Variants in FRMPD4 observed in about 807,000 individuals in gnomAD.
The protein encoded by FRMPD4 is FERM and PDZ domain containing 4, also known as FERM and PDZ domain-containing protein 4.
A neutral mutation model predicts 94.1 loss-of-function variants in FRMPD4; 22 were observed. The observed-to-expected ratio is 0.23, with a 90% CI of 0.17 to 0.33. The LOEUF (loss-of-function observed/expected upper bound fraction) is 0.33. Ranked by LOEUF, FRMPD4 falls within the 10% of genes least tolerant of loss-of-function variation. FRMPD4 has a pLI of 1.00. For missense variants in FRMPD4, 1,111 were observed against 1,339.9 expected (o/e 0.83, Z 2.67); for synonymous variants, 631 against 548.6 (o/e 1.15, Z -2.10).
chrX:12,343,776 A>G (rs977666219), intron 1 of FRMPD4, among the ~76,000 whole-genome samples: 1 of 111,887 alleles, frequency 8.9e-6, no homozygotes, highest in African/African-American at 3.3e-5. Context: ...ATTGGTCTCC[A>G]CATTTGCCGT....
At chrX:11,930,568 A>G (rs1214826098) in intron 3 of FRMPD4, among the ~76,000 whole-genome samples, 1 of 111,784 alleles carries the variant, frequency 8.9e-6, no homozygotes, top group East Asian at 2.8e-4. Flanking sequence ...TTTCAGAGAC[A>G]GTGCAACCTT....
At chrX:12,631,092 C>G (rs1207834210) in intron 4 of FRMPD4, among the ~76,000 whole-genome samples, 4 of 111,304 alleles carry the variant, frequency 3.6e-5, no homozygotes, top group Non-Finnish European at 1.9e-5. Context: ...AGGTGTACAG[C>G]GCTTTTCCTC....
At chrX:12,176,187 G>A (rs2056292858) in intron 1 of FRMPD4, among the ~76,000 whole-genome samples, 1 of 112,228 alleles carries the variant, frequency 8.9e-6, no homozygotes, top group African/African-American at 3.2e-5. Context: ...CAGAGATTCA[G>A]ATTAATTGGT....
At chrX:12,049,684 G>A (rs778685199) in intron 3 of FRMPD4, among the ~76,000 whole-genome samples, 16 of 111,242 alleles carry the variant, frequency 1.4e-4, no homozygotes, top group Non-Finnish European at 3.0e-4. Flanking sequence ...AAGAGCCTTA[G>A]GCAAATCCTT....
intron 1 of FRMPD4, among the ~76,000 whole-genome samples, chrX:12,166,324 T>C (rs1055606826): frequency 8.9e-6 from 1 of 112,144 alleles, no homozygotes; most frequent in African/African-American, 3.2e-5. Context: ...GGTTTTTGTT[T>C]TTGGTTCTGT....
chrX:12,085,986 T>C (rs2055106153), intron 3 of FRMPD4, among the ~76,000 whole-genome samples: 1 of 112,476 alleles, frequency 8.9e-6, no homozygotes, highest in South Asian at 3.7e-4. Flanking sequence ...AAACCTATTA[T>C]ATAATAATGA....
In FRMPD4 at chrX:12,265,935, T is replaced by C. The variant is rs1216607403; in HGVS notation, c.41+126923T>C. Among the ~76,000 whole-genome samples the C allele has an allele frequency of 3.7e-5, 4 of 107,387 alleles. No individual in the cohort carries two copies. In the East Asian group the frequency reaches 1.2e-3, roughly 31 times the overall value. 93.3% of individuals were successfully genotyped at this position (107,387 alleles called of 115,157 possible). Reference sequence around the variant, plus strand: ...CGAGGTCAGGAGATCGAGACCATCCTGGCTAACACGGTGAAACACCATCTC... The same window carrying C: ...CGAGGTCAGGAGATCGAGACCATCCCGGCTAACACGGTGAAACACCATCTC... On this transcript the variant is annotated intron_variant, in intron 1 of 16. Transcript: ENST00000675598.
At chrX:12,575,043 G>A (rs1222838261) in intron 2 of FRMPD4, among the ~76,000 whole-genome samples, 2 of 111,721 alleles carry the variant, frequency 1.8e-5, no homozygotes, top group African/African-American at 3.3e-5. Context: ...CCTAATTTCA[G>A]GAGAGAGACT....
chrX:12,248,059 A>G (rs1312144043), intron 1 of FRMPD4, among the ~76,000 whole-genome samples: 28 of 112,241 alleles, frequency 2.5e-4, no homozygotes, highest in Admixed American at 2.1e-3. Flanking sequence ...TATACCATGT[A>G]TTGTTCCTTG....
intron 3 of FRMPD4, among the ~76,000 whole-genome samples, chrX:11,947,098 T>G (rs1394377518): frequency 9.0e-6 from 1 of 111,425 alleles, no homozygotes; most frequent in Non-Finnish European, 1.9e-5. Context: ...CTTGAAGAGA[T>G]ATAGAGCAGA....
In FRMPD4 at chrX:11,918,331, G is replaced by A. The variant is rs906968571; in HGVS notation, c.95+40313G>A. ...ATATAGAAAGGGACACAGGCCAGGCGTGGTGGCTCATGCCTGTAATCCCAG... is the reference window on the plus strand; with the variant it reads ...ATATAGAAAGGGACACAGGCCAGGCATGGTGGCTCATGCCTGTAATCCCAG... On this transcript the variant is annotated intron_variant, in intron 3 of 18. Coordinates refer to the FRMPD4 transcript ENST00000640291. 1.9e-4 allele frequency among the ~76,000 whole-genome samples: 21 copies of A among 113,161 alleles called. 1 individual carries two copies. Among genetic ancestry groups the A allele is most frequent in the Middle Eastern group, 4.6e-3 (1 of 218 alleles).
At chrX:11,925,613 C>T (rs1040154607) in intron 3 of FRMPD4, among the ~76,000 whole-genome samples, 1 of 111,883 alleles carries the variant, frequency 8.9e-6, no homozygotes, top group Non-Finnish European at 1.9e-5. Context: ...CAAAACCATA[C>T]AATTACATGG....
At chrX:12,170,509 A>G (rs1278357086) in intron 1 of FRMPD4, among the ~76,000 whole-genome samples, 1 of 111,840 alleles carries the variant, frequency 8.9e-6, no homozygotes, top group South Asian at 3.8e-4. Flanking sequence ...GTCACATGTT[A>G]TGTTCCAGCA....
chrX:12,571,162 T>C (rs113805976), intron 2 of FRMPD4, among the ~76,000 whole-genome samples: 2 of 112,460 alleles, frequency 1.8e-5, no homozygotes, highest in Non-Finnish European at 3.8e-5. Flanking sequence ...TCTCCCACAA[T>C]GAATAATTTA....
intron 1 of FRMPD4, among the ~76,000 whole-genome samples, chrX:12,144,469 A>G (rs778776763): frequency 3.6e-4 from 39 of 109,393 alleles, no homozygotes; most frequent in Admixed American, 1.2e-3. Context: ...CAAAGAGATG[A>G]GAAGGGTTTT....
At chrX:11,855,312 A>G (rs765821050) in intron 1 of FRMPD4, among the ~76,000 whole-genome samples, 14 of 111,407 alleles carry the variant, frequency 1.3e-4, no homozygotes, top group African/African-American at 4.2e-4. Context: ...GGCTGCCACA[A>G]AGGTCTCTGA....
At chrX:12,005,152 T>A (rs1380675715) in intron 3 of FRMPD4, among the ~76,000 whole-genome samples, 2 of 111,315 alleles carry the variant, frequency 1.8e-5, no homozygotes, top group East Asian at 5.8e-4. Context: ...ATTTTTCTTT[T>A]ATCCACAGTC....
chrX:12,033,192 G>T (rs1451485546), intron 3 of FRMPD4, among the ~76,000 whole-genome samples: 2 of 111,355 alleles, frequency 1.8e-5, no homozygotes, highest in African/African-American at 6.5e-5. Context: ...GGGGATTGAA[G>T]AAAGTGTATT....
chrX:12,118,570 C>T (rs1232446379), intron 3 of FRMPD4, among the ~76,000 whole-genome samples: 2 of 111,675 alleles, frequency 1.8e-5, no homozygotes, highest in African/African-American at 6.5e-5. Context: ...ACACCTTCTG[C>T]CACAGAGGAG....
Sources: gnomAD v4.1 joint callset for allele counts (sites outside exome capture counted in the v4.1 genomes callset) on GRCh38, gnomAD v4.1.1 for gene constraint, MANE v1.5 for transcripts, NCBI Gene and HGNC (gene_info 2026-07-23, HGNC 2026-07-21) for gene names.